The following CSGALNACT2 variants were observed in gnomAD, a reference collection of about 807,000 sequenced individuals.
CSGALNACT2 encodes chondroitin sulfate N-acetylgalactosaminyltransferase 2, also known as beta 4 GalNAcT-2.
In CSGALNACT2, 35 loss-of-function variants were observed where a neutral mutation model predicts 55.3. The observed-to-expected ratio is 0.63, with a 90% CI of 0.48 to 0.84. The LOEUF (loss-of-function observed/expected upper bound fraction) is 0.84, where lower values mean the gene tolerates loss of function less well. Ranked by LOEUF, CSGALNACT2 falls within the 40% of genes least tolerant of loss-of-function variation. CSGALNACT2 has a pLI of 0.00. For missense variants in CSGALNACT2, 544 were observed against 657.5 expected (o/e 0.83, Z 1.89); for synonymous variants, 196 against 224.9 (o/e 0.87, Z 1.15).
intron 1 of CSGALNACT2, among the ~76,000 whole-genome samples, chr10:43,150,311 A>C (rs1838849102): frequency 6.6e-6 from 1 of 152,206 alleles, no homozygotes. Context: ...CAAAAATCTT[A>C]GTTACCAATG....
chr10:43,151,212 TA>T (rs1326805277), intron 1 of CSGALNACT2, among the ~76,000 whole-genome samples: 1 of 152,238 alleles, frequency 6.6e-6, no homozygotes, highest in Non-Finnish European at 1.5e-5. Flanking sequence ...TTATGGATCA[TA>T]TTTTTTTATA....
chr10:43,147,158 G>C (rs1838774230), intron 1 of CSGALNACT2, among the ~76,000 whole-genome samples: 1 of 150,782 alleles, frequency 6.6e-6, no homozygotes, highest in Admixed American at 6.6e-5. Flanking sequence ...TGTATTTTTA[G>C]TAGAGACGGG....
At chr10:43,162,346 A>T in intron 4 of CSGALNACT2, 1 of 1,086,680 alleles carries the variant, frequency 9.2e-7, no homozygotes, top group Non-Finnish European at 1.3e-6. Flanking sequence ...CTCTTGAGCC[A>T]ATCACTATGG....
At chr10:43,178,438 A>C (rs1300152827) in intron 7 of CSGALNACT2, among the ~76,000 whole-genome samples, 2 of 152,024 alleles carry the variant, frequency 1.3e-5, no homozygotes, top group African/African-American at 4.8e-5. Context: ...CTGGCTAACA[A>C]GGTAAAACCC....
intron 6 of CSGALNACT2, among the ~76,000 whole-genome samples, chr10:43,173,372 G>A (rs930918360): frequency 2.6e-5 from 4 of 152,174 alleles, no homozygotes; most frequent in African/African-American, 9.7e-5. Context: ...TCTGTGAGAG[G>A]CCAAGGCTTG....
intron 1 of CSGALNACT2, among the ~76,000 whole-genome samples, chr10:43,154,045 G>A (rs1838938177): frequency 6.6e-6 from 1 of 152,198 alleles, no homozygotes; most frequent in Non-Finnish European, 1.5e-5. Context: ...ATGTCTGTGA[G>A]CTTTTGAAGT....
chr10:43,174,073 TA>T (rs1209989024), intron 6 of CSGALNACT2, among the ~76,000 whole-genome samples: 1 of 152,102 alleles, frequency 6.6e-6, no homozygotes, highest in Non-Finnish European at 1.5e-5. Flanking sequence ...ATTCAACACG[TA>T]TTTATTGAAA....
At chr10:43,171,537 G>A (rs1243569099) in intron 6 of CSGALNACT2, among the ~76,000 whole-genome samples, 3 of 152,108 alleles carry the variant, frequency 2.0e-5, no homozygotes, top group African/African-American at 4.8e-5. Context: ...ATTTTTAGTA[G>A]AGATGGGGTT....
Position 43,183,846 on chromosome 10 carries a change from A to T in CSGALNACT2, c.*304A>T, listed in dbSNP as rs1839641104. The T allele has an allele frequency of 2.6e-6, 1 of 382,332 alleles. No homozygotes were observed. Among genetic ancestry groups the T allele is most frequent in the Admixed American group, 3.9e-5 (1 of 25,536 alleles). The allele number at this position is 382,332 out of a possible 1,614,324, so 23.7% of individuals were successfully genotyped here. ...ATGTTCTGATTGTGTGTGGGATTGC[A>T]TGGTGTCCTGATTGCATCTAGGTGG... is the stretch of plus-strand genomic sequence containing the variant. On this transcript the variant is annotated 3_prime_UTR_variant, in exon 8 of 8. Transcript: ENST00000374466.
intron 2 of CSGALNACT2, among the ~76,000 whole-genome samples, chr10:43,157,434 GACA>G (rs1839038878): frequency 6.6e-6 from 1 of 152,162 alleles, no homozygotes; most frequent in Non-Finnish European, 1.5e-5. Context: ...AATTAGTAAT[GACA>G]ACTAATTCCT....
chr10:43,163,923 A>G lies in CSGALNACT2; in HGVS notation c.1038A>G (p.Gly346=). 6.2e-7 allele frequency: 1 copy of G among 1,614,184 alleles called. No homozygotes were observed. Among genetic ancestry groups the G allele is most frequent in the South Asian group, 1.1e-5 (1 of 91,084 alleles). The change falls in exon 5 of 8, where the codon GGA becomes GGG. Residue 346 remains glycine, a synonymous_variant. Coordinates refer to ENST00000374466, the MANE Select transcript of CSGALNACT2 (RefSeq NM_018590.5). ...CATTGAATGAAGAATTTAATCGTGG[A>G]CGAGGACTAAATGTGGGTGCCCGAG... ...LVSLNEEFNR[G]RGLNVGARAW...
At chr10:43,162,097 A>G in intron 4 of CSGALNACT2, 1 of 507,984 alleles carries the variant, frequency 2.0e-6, no homozygotes, top group Non-Finnish European at 3.9e-6. Context: ...AATCAAAACA[A>G]CTCTTGTTTC....
intron 7 of CSGALNACT2, among the ~76,000 whole-genome samples, chr10:43,177,699 G>T (rs1839507327): frequency 6.6e-6 from 1 of 152,118 alleles, no homozygotes; most frequent in African/African-American, 2.4e-5. Context: ...TCTACTTTTT[G>T]GCTATTATAA....
At chr10:43,163,153 A>G (rs1163629755) in intron 4 of CSGALNACT2, 1 of 985,240 alleles carries the variant, frequency 1.0e-6, no homozygotes, top group Non-Finnish European at 1.2e-6. Flanking sequence ...ACTGAATTCA[A>G]CATTTTAACC....
At chr10:43,152,214 G>A (rs1176662717) in intron 1 of CSGALNACT2, among the ~76,000 whole-genome samples, 4 of 152,088 alleles carry the variant, frequency 2.6e-5, no homozygotes, top group African/African-American at 7.2e-5. Flanking sequence ...TGAATGAACC[G>A]TATTCATGAT....
In CSGALNACT2 at chr10:43,163,861, C is replaced by A; in HGVS notation, c.981-5C>A. 6.2e-7 allele frequency: 1 copy of A among 1,610,940 alleles called. No homozygotes were observed. Among genetic ancestry groups the A allele is most frequent in the South Asian group, 1.1e-5 (1 of 90,676 alleles). On this transcript the variant is annotated splice_region_variant and splice_polypyrimidine_tract_variant and intron_variant, in intron 4 of 7. Coordinates refer to ENST00000374466, the MANE Select transcript of CSGALNACT2 (RefSeq NM_018590.5). ...TATCATTTGTTGTGTGTGCTTTCCTCATAGTGAGTCTAATTTTCACAATTA... is the reference window on the plus strand; with the variant it reads ...TATCATTTGTTGTGTGTGCTTTCCTAATAGTGAGTCTAATTTTCACAATTA...
chr10:43,162,159 T>A (rs1295975300), intron 4 of CSGALNACT2: 1 of 519,086 alleles, frequency 1.9e-6, no homozygotes, highest in Admixed American at 1.9e-5. Context: ...CGTCTCCTTG[T>A]CTGTTTTTCT....
intron 7 of CSGALNACT2, among the ~76,000 whole-genome samples, chr10:43,177,457 T>C (rs1839502923): frequency 6.6e-6 from 1 of 152,204 alleles, no homozygotes; most frequent in Admixed American, 6.5e-5. Flanking sequence ...CTTAGGCATC[T>C]ACTGGTCTAC....
chr10:43,166,858 A>G, intron 5 of CSGALNACT2, 146 bp from the exon 6 acceptor site: 1 of 510,896 alleles, frequency 2.0e-6, no homozygotes, highest in South Asian at 2.9e-5. Context: ...TATTCATCAA[A>G]TTAACATGAT....
Sources: allele counts gnomAD v4.1 joint callset (sites outside exome capture counted in the v4.1 genomes callset), GRCh38; gene constraint gnomAD v4.1.1; transcripts MANE v1.5; gene names NCBI Gene and HGNC (gene_info 2026-07-23, HGNC 2026-07-21).